Variants in CALN1 observed in about 807,000 individuals in gnomAD.
The protein encoded by CALN1 is calcium-binding protein 8.
A neutral mutation model predicts 30.6 loss-of-function variants in CALN1; 17 were observed. That is an observed-to-expected ratio of 0.56 (90% confidence interval 0.38 to 0.83). The LOEUF (loss-of-function observed/expected upper bound fraction) is 0.83, where lower values mean the gene tolerates loss of function less well. CALN1 is among the 40% of genes least tolerant of loss of function. The probability of loss-of-function intolerance (pLI) is 0.00; values close to 1 mark genes in which losing one functional copy is unlikely to be tolerated. For synonymous variants in CALN1, 156 were observed against 131.4 expected (o/e 1.19, Z -1.28); for missense variants, 291 against 354.9 (o/e 0.82, Z 1.45).
intron 2 of CALN1, among the ~76,000 whole-genome samples, chr7:72,368,987 G>C (rs188034515): frequency 6.6e-6 from 1 of 151,450 alleles, no homozygotes; most frequent in Admixed American, 6.6e-5. Flanking sequence ...GCTAATTTTT[G>C]TATTTTTAGT....
At chr7:72,405,546 C>A (rs1225461935) in intron 1 of CALN1, among the ~76,000 whole-genome samples, 2 of 152,182 alleles carry the variant, frequency 1.3e-5, no homozygotes, top group Non-Finnish European at 2.9e-5. Context: ...CTGTCCCCAG[C>A]AGCACACACC....
chr7:72,503,939 CT>C, the CALN1 span, among the ~76,000 whole-genome samples: 1 of 152,156 alleles, frequency 6.6e-6, no homozygotes, highest in Non-Finnish European at 1.5e-5. Flanking sequence ...GTTTATTCAT[CT>C]TTTGTATGAC....
At chr7:72,419,142 A>T (rs548051691) in intron 1 of CALN1, among the ~76,000 whole-genome samples, 2 of 152,164 alleles carry the variant, frequency 1.3e-5, no homozygotes, top group Non-Finnish European at 2.9e-5. Context: ...GCTGGACAAC[A>T]CACGAATGCC....
chr7:72,399,051 G>A (rs1045589793), intron 2 of CALN1, among the ~76,000 whole-genome samples: 1 of 152,058 alleles, frequency 6.6e-6, no homozygotes, highest in East Asian at 1.9e-4. Context: ...TTGAGAAAAA[G>A]GAGTAGAAGA....
At chr7:72,459,257 G>T in the CALN1 span, among the ~76,000 whole-genome samples, 571 of 152,198 alleles carry the variant, frequency 3.8e-3, 3 homozygotes, top group African/African-American at 0.013. Flanking sequence ...TGTAAAATGC[G>T]CGATTTTTCA....
At chr7:72,397,243 A>G (rs1806022201) in intron 2 of CALN1, among the ~76,000 whole-genome samples, 1 of 152,146 alleles carries the variant, frequency 6.6e-6, no homozygotes, top group South Asian at 2.1e-4. Flanking sequence ...CACTCCACAT[A>G]CTGAAGCAGA....
intron 4 of CALN1, among the ~76,000 whole-genome samples, chr7:72,070,385 G>T (rs1221247413): frequency 1.3e-5 from 2 of 152,312 alleles, no homozygotes; most frequent in East Asian, 1.9e-4. Context: ...GTGTCCAACT[G>T]CTGCAGGTCC....
Position 72,396,793 on chromosome 7 carries a change from C to T in CALN1, c.119+6458G>A, listed in dbSNP as rs115080199. On this transcript the variant is annotated intron_variant, in intron 2 of 6. Transcript: ENST00000395275. ...TCGGGGTTGAAATAGTCATGGAGAC[C>T]TGACCACTAGAACCATGACTCACAC... Among the ~76,000 whole-genome samples the T allele has an allele frequency of 4.3e-3, 649 of 152,214 alleles. 2 individuals carry two copies. Among genetic ancestry groups the T allele is most frequent in the African/African-American group, 0.015 (628 of 41,528 alleles).
intron 5 of CALN1, among the ~76,000 whole-genome samples, chr7:72,003,006 ATT>A: frequency 6.6e-6 from 1 of 152,290 alleles, no homozygotes; most frequent in Admixed American, 6.5e-5. Context: ...CTAACAGTCT[ATT>A]GTACACTTGA....
chr7:71,817,183 T>G (rs564867879), intron 5 of CALN1, among the ~76,000 whole-genome samples: 45 of 152,346 alleles, frequency 3.0e-4, no homozygotes, highest in African/African-American at 9.9e-4. Flanking sequence ...TCAGTCCATT[T>G]TACTTTTCAG....
chr7:72,399,060 G>A (rs1034191396), intron 2 of CALN1, among the ~76,000 whole-genome samples: 6 of 152,076 alleles, frequency 3.9e-5, no homozygotes, highest in African/African-American at 1.2e-4. Flanking sequence ...AGGAGTAGAA[G>A]AGAAGGAGGT....
intron 4 of CALN1, among the ~76,000 whole-genome samples, chr7:72,045,660 C>T (rs1802417794): frequency 6.6e-6 from 1 of 152,104 alleles, no homozygotes; most frequent in Non-Finnish European, 1.5e-5. Context: ...TCCTAAGTAG[C>T]TGGGACTACA....
chr7:72,365,857 A>C (rs1803845928), intron 2 of CALN1, among the ~76,000 whole-genome samples: 1 of 152,182 alleles, frequency 6.6e-6, no homozygotes. Context: ...AGTATATGAA[A>C]ACGTACCCTC....
rs1792709568 is a variant in CALN1 at position 71,781,458 on chromosome 7, T to A, written c.*6317A>T. ...AAATGCACAGAGCCTTTCGTGTGGA[T>A]CAGACTGATGGGCAGCCCCATGGCA... On this transcript the variant is annotated 3_prime_UTR_variant, in exon 7 of 7. Coordinates refer to ENST00000395275, the MANE Select transcript of CALN1 (RefSeq NM_031468.4). 6.6e-6 allele frequency: 1 copy of A among 152,212 alleles called. No individual in the cohort carries two copies. The highest frequency in any genetic ancestry group is 2.1e-4 in the South Asian group (1 of 4,836). 9.4% of individuals were successfully genotyped at this position (152,212 alleles called of 1,614,324 possible).
At chr7:72,343,313 G>A (rs752947769) in intron 2 of CALN1, among the ~76,000 whole-genome samples, 15 of 152,098 alleles carry the variant, frequency 9.9e-5, no homozygotes, top group African/African-American at 2.7e-4. Context: ...ATCCCAGGCC[G>A]ACGCGGGTGG....
chr7:71,976,591 G>C (rs139120364), intron 5 of CALN1, among the ~76,000 whole-genome samples: 1 of 152,246 alleles, frequency 6.6e-6, no homozygotes, highest in Admixed American at 6.5e-5. Flanking sequence ...TCCTCCCTTT[G>C]ATCCTTATCC....
At chr7:72,394,383 A>G (rs1169511594) in intron 2 of CALN1, among the ~76,000 whole-genome samples, 3 of 152,238 alleles carry the variant, frequency 2.0e-5, no homozygotes, top group Admixed American at 1.3e-4. Context: ...AGCTTTAGCT[A>G]TGCTTGCACA....
chr7:72,397,790 A>T (rs34479547), intron 2 of CALN1, among the ~76,000 whole-genome samples: 12 of 150,590 alleles, frequency 8.0e-5, no homozygotes, highest in East Asian at 5.9e-4. Flanking sequence ...GTATTAGCCT[A>T]CCCTTAGGAC....
intron 2 of CALN1, among the ~76,000 whole-genome samples, chr7:72,328,828 T>TGGGATTACA (rs1801462280): frequency 6.6e-6 from 1 of 152,226 alleles, no homozygotes; most frequent in African/African-American, 2.4e-5. Flanking sequence ...CCCAAGGAGC[T>TGGGATTACA]GGGATTACAG....
Sources: allele counts gnomAD v4.1 joint callset (sites outside exome capture counted in the v4.1 genomes callset), GRCh38; gene constraint gnomAD v4.1.1; transcripts MANE v1.5; gene names NCBI Gene and HGNC (gene_info 2026-07-23, HGNC 2026-07-21).